The following MNAT1 variants were observed in gnomAD, a reference collection of about 807,000 sequenced individuals.
The protein encoded by MNAT1 is CDK-activating kinase assembly factor MAT1.
In MNAT1, 43 loss-of-function variants were observed where a neutral mutation model predicts 42.0. The observed-to-expected ratio is 1.02, with a 90% CI of 0.80 to 1.32. The LOEUF is 1.32. Among genes scored for constraint, MNAT1 ranks in the 40% most tolerant of loss-of-function variants. The pLI is 0.00. For synonymous variants in MNAT1, 118 were observed against 120.0 expected (o/e 0.98, Z 0.11); for missense variants, 306 against 350.4 (o/e 0.87, Z 1.01).
chr14:60,783,905 C>T (rs147622907), intron 1 of MNAT1, among the ~76,000 whole-genome samples: 15 of 152,278 alleles, frequency 9.9e-5, no homozygotes, highest in African/African-American at 3.4e-4. Context: ...TCACAGCTAA[C>T]TGTATCTCCA....
chr14:60,900,180 G>T (rs776526124), intron 7 of MNAT1, among the ~76,000 whole-genome samples: 1 of 151,686 alleles, frequency 6.6e-6, no homozygotes, highest in Non-Finnish European at 1.5e-5. Flanking sequence ...TGAGAGGAAG[G>T]GTCACATGTC....
At chr14:60,882,954 G>C (rs942663539) in intron 7 of MNAT1, among the ~76,000 whole-genome samples, 4 of 152,076 alleles carry the variant, frequency 2.6e-5, no homozygotes, top group African/African-American at 9.7e-5. Flanking sequence ...CTGTTGAGTT[G>C]TTTGAGTTCC....
At chr14:60,807,363 G>C (rs1404759689) in intron 3 of MNAT1, among the ~76,000 whole-genome samples, 1 of 152,086 alleles carries the variant, frequency 6.6e-6, no homozygotes, top group Non-Finnish European at 1.5e-5. Flanking sequence ...CCAAGGGATA[G>C]AGCAGAGTTA....
intron 1 of MNAT1, among the ~76,000 whole-genome samples, chr14:60,779,805 A>AG (rs2031389311): frequency 6.6e-6 from 1 of 152,098 alleles, no homozygotes. Flanking sequence ...AAAGAAAAAA[A>AG]GAAAAAAAAA....
chr14:60,934,466 A>G (rs954827543), intron 7 of MNAT1, among the ~76,000 whole-genome samples: 4 of 152,102 alleles, frequency 2.6e-5, no homozygotes, highest in African/African-American at 9.7e-5. Flanking sequence ...GGGACCCAGT[A>G]GGAGGTAATT....
chr14:60,900,617 T>G (rs566343068), intron 7 of MNAT1, among the ~76,000 whole-genome samples: 32 of 152,318 alleles, frequency 2.1e-4, no homozygotes, highest in African/African-American at 7.7e-4. Flanking sequence ...CAGCAAGATC[T>G]ACCAAGATAT....
At chr14:60,773,940 T>C (rs1269212578) in intron 1 of MNAT1, among the ~76,000 whole-genome samples, 1 of 152,194 alleles carries the variant, frequency 6.6e-6, no homozygotes, top group Non-Finnish European at 1.5e-5. Context: ...AAAATGAATG[T>C]AGTTTCCAGA....
intron 1 of MNAT1, among the ~76,000 whole-genome samples, chr14:60,776,258 A>C (rs1417440632): frequency 1.3e-5 from 2 of 152,144 alleles, no homozygotes; most frequent in Non-Finnish European, 2.9e-5. Flanking sequence ...CAAAGGATAG[A>C]GTAGTGGTAT....
At chr14:60,876,845 C>T (rs998201916) in intron 6 of MNAT1, among the ~76,000 whole-genome samples, 5 of 152,032 alleles carry the variant, frequency 3.3e-5, no homozygotes, top group Non-Finnish European at 5.9e-5. Context: ...ATGGACACTG[C>T]GTTGCTTCCA....
intron 6 of MNAT1, 84 bp downstream of exon 6, chr14:60,818,931 C>T (rs1408596255): frequency 2.2e-5 from 32 of 1,452,404 alleles, no homozygotes; most frequent in East Asian, 1.4e-4. Context: ...TATAGTAAAC[C>T]GAAATGTTCA....
intron 7 of MNAT1, among the ~76,000 whole-genome samples, chr14:60,923,164 G>A (rs1456435869): frequency 6.6e-6 from 1 of 152,092 alleles, no homozygotes; most frequent in Non-Finnish European, 1.5e-5. Flanking sequence ...ATTCCCAATA[G>A]AGGACCTAGA....
chr14:60,869,040 A>ATATATATATATT (rs1465360826), intron 6 of MNAT1, among the ~76,000 whole-genome samples: 22 of 113,024 alleles, frequency 1.9e-4, no homozygotes, highest in African/African-American at 4.8e-4. Context: ...ATATATATAT[A>ATATATATATATT]TTTTTTTTTT....
intron 6 of MNAT1, among the ~76,000 whole-genome samples, chr14:60,819,441 G>A (rs1040549970): frequency 3.3e-5 from 5 of 150,312 alleles, no homozygotes; most frequent in African/African-American, 1.2e-4. Context: ...TTTAACATGT[G>A]TTTAATATTT....
intron 7 of MNAT1, among the ~76,000 whole-genome samples, chr14:60,904,329 A>T (rs2035145147): frequency 1.3e-5 from 2 of 151,452 alleles, no homozygotes; most frequent in Non-Finnish European, 2.9e-5. Flanking sequence ...TACTAAATTA[A>T]TTTTTTTTTC....
chr14:60,777,444 C>A lies in MNAT1; in HGVS notation c.90-18773C>A, dbSNP rs77749018. On this transcript the variant is annotated intron_variant, in intron 1 of 7. Transcript: ENST00000261245. ...TACTTGTACCCCACCTCTCCCCCCC[C>A]AAAATTTTTGTTTTTCAGTCTATTT... Among the ~76,000 whole-genome samples the A allele has an allele frequency of 3.8e-3, 580 of 152,072 alleles. 10 individuals are homozygous for A. Among genetic ancestry groups the A allele is most frequent in the East Asian group, 0.038 (196 of 5,156 alleles).
chr14:60,863,724 A>C (rs2139437501), intron 6 of MNAT1, among the ~76,000 whole-genome samples: 1 of 152,220 alleles, frequency 6.6e-6, no homozygotes, highest in South Asian at 2.1e-4. Context: ...CTGATCACAC[A>C]CCTATGTTCT....
At chr14:60,854,348 G>A (rs977271595) in intron 6 of MNAT1, among the ~76,000 whole-genome samples, 1 of 152,166 alleles carries the variant, frequency 6.6e-6, no homozygotes, top group Non-Finnish European at 1.5e-5. Context: ...CCTTGCTTGA[G>A]AGGAGTTGTA....
intron 5 of MNAT1, 98 bp from the exon 6 acceptor site, chr14:60,818,624 T>C (rs2032788007): frequency 1.9e-6 from 2 of 1,077,090 alleles, no homozygotes; most frequent in Non-Finnish European, 2.5e-6. Context: ...TAGTTTGACA[T>C]GAAATGCTTA....
At chr14:60,854,500 T>TATGTTG (rs1167915096) in intron 6 of MNAT1, among the ~76,000 whole-genome samples, 1 of 152,166 alleles carries the variant, frequency 6.6e-6, no homozygotes, top group East Asian at 1.9e-4. Flanking sequence ...GTGGGTCCTT[T>TATGTTG]ATGTTGATGT....
Sources: gnomAD v4.1 joint callset for allele counts (sites outside exome capture counted in the v4.1 genomes callset) on GRCh38, gnomAD v4.1.1 for gene constraint, MANE v1.5 for transcripts, NCBI Gene and HGNC (gene_info 2026-07-23, HGNC 2026-07-21) for gene names.